Variants in RNGTT observed in about 807,000 individuals in gnomAD.
RNGTT encodes RNA guanylyltransferase and 5'-phosphatase.
A neutral mutation model predicts 79.3 loss-of-function variants in RNGTT; 33 were observed. That is an observed-to-expected ratio of 0.42 (90% CI 0.32 to 0.56). The LOEUF (loss-of-function observed/expected upper bound fraction) is 0.56. Among genes scored for constraint, RNGTT ranks in the 20% least tolerant of loss-of-function variants. The pLI is 0.17. For missense variants in RNGTT, 497 were observed against 739.1 expected (o/e 0.67, Z 3.80); for synonymous variants, 222 against 235.9 (o/e 0.94, Z 0.54).
chr6:88,789,131 CT>C (rs1460105152), intron 12 of RNGTT, among the ~76,000 whole-genome samples: 1 of 152,082 alleles, frequency 6.6e-6, no homozygotes, highest in Non-Finnish European at 1.5e-5. Flanking sequence ...AAAGTATCTT[CT>C]TTCTTGGCCG....
rs151271289 is a variant in RNGTT at position 88,962,907 on chromosome 6, C to T, written c.64+439G>A. ...TAAAAATAAAAAACTAACAAAAACA[C>T]CCTCCAGATTCCCAGTCTCAATGTG... On this transcript the variant is annotated intron_variant, in intron 1 of 15. Coordinates refer to ENST00000369485, the MANE Select transcript of RNGTT (RefSeq NM_003800.5). 3.7e-4 allele frequency among the ~76,000 whole-genome samples: 56 copies of T among 152,148 alleles called. 1 individual carries two copies. The East Asian group carries it at 0.01, about 28-fold the overall frequency.
At chr6:88,643,637 A>G (rs888378046) in intron 14 of RNGTT, among the ~76,000 whole-genome samples, 1 of 152,218 alleles carries the variant, frequency 6.6e-6, no homozygotes, top group Non-Finnish European at 1.5e-5. Context: ...AAGAACAGAA[A>G]TTATAACAAC....
chr6:88,948,868 A>G (rs1785128534), intron 1 of RNGTT, among the ~76,000 whole-genome samples: 1 of 90,784 alleles, frequency 1.1e-5, no homozygotes. Context: ...TAAATGGATT[A>G]AGGGCGGTGC....
chr6:88,756,437 C>A (rs188407635), intron 13 of RNGTT, among the ~76,000 whole-genome samples: 18 of 152,238 alleles, frequency 1.2e-4, no homozygotes, highest in Admixed American at 1.2e-3. Flanking sequence ...CATGCCACTG[C>A]ATGCCAGCCT....
At chr6:88,728,994 C>T (rs1777014997) in intron 13 of RNGTT, among the ~76,000 whole-genome samples, 1 of 152,182 alleles carries the variant, frequency 6.6e-6, no homozygotes, top group Admixed American at 6.5e-5. Flanking sequence ...GGGTGGTCCT[C>T]CAGTCGACCG....
chr6:88,829,103 A>G (rs1397795393), intron 11 of RNGTT, among the ~76,000 whole-genome samples: 2 of 152,206 alleles, frequency 1.3e-5, no homozygotes, highest in Non-Finnish European at 2.9e-5. Context: ...ACCAAGGCTG[A>G]AATGAAGGAA....
chr6:88,906,536 G>T lies in RNGTT; in HGVS notation c.368-96C>A, dbSNP rs543541343. 2.0e-4 allele frequency: 128 copies of T among 653,144 alleles called. 1 individual carries two copies. Among genetic ancestry groups the T allele is most frequent in the Non-Finnish European group, 3.2e-4 (125 of 390,396 alleles). The allele number at this position is 653,144 out of a possible 1,614,324, so 40.5% of individuals were successfully genotyped here. A position where few individuals can be genotyped will look rare whatever the true frequency, so the allele number is the denominator to read the frequency against. Reference sequence around the variant, plus strand: ...ACCTGCAATCAAAACATTTCAGCTAGTTTATAAAATAATTACATTTTTTAA... The same window carrying T: ...ACCTGCAATCAAAACATTTCAGCTATTTTATAAAATAATTACATTTTTTAA... On this transcript the variant is annotated intron_variant, in intron 4 of 15. Coordinates refer to ENST00000369485, the MANE Select transcript of RNGTT (RefSeq NM_003800.5).
intron 14 of RNGTT, among the ~76,000 whole-genome samples, chr6:88,667,332 A>G (rs1774454256): frequency 6.6e-6 from 1 of 152,340 alleles, no homozygotes; most frequent in East Asian, 1.9e-4. Flanking sequence ...GAGACCACCC[A>G]TCTAGGCCAA....
chr6:88,944,723 T>C (rs961212257), intron 1 of RNGTT, among the ~76,000 whole-genome samples: 5 of 152,208 alleles, frequency 3.3e-5, no homozygotes, highest in Non-Finnish European at 7.3e-5. Context: ...TTTACTTCAT[T>C]ACCTCCAATT....
chr6:88,955,196 C>G (rs1785386163), intron 1 of RNGTT, among the ~76,000 whole-genome samples: 1 of 152,092 alleles, frequency 6.6e-6, no homozygotes, highest in South Asian at 2.1e-4. Flanking sequence ...AACAGTGACA[C>G]AACCTATCAA....
chr6:88,619,150 GC>G (rs1772348598), intron 14 of RNGTT, among the ~76,000 whole-genome samples: 1 of 151,722 alleles, frequency 6.6e-6, no homozygotes, highest in African/African-American at 2.4e-5. Flanking sequence ...TCTCCATGGG[GC>G]TCCCTACCAC....
At chr6:88,846,865 G>C (rs1781501558) in intron 10 of RNGTT, among the ~76,000 whole-genome samples, 1 of 151,862 alleles carries the variant, frequency 6.6e-6, no homozygotes, top group Non-Finnish European at 1.5e-5. Context: ...GCAATTCCAT[G>C]CTTCAGTGAC....
At chr6:88,721,161 A>T (rs1364852040) in intron 13 of RNGTT, among the ~76,000 whole-genome samples, 2 of 152,064 alleles carry the variant, frequency 1.3e-5, no homozygotes, top group Non-Finnish European at 2.9e-5. Flanking sequence ...AAGCAATTTA[A>T]TTCACTGGTA....
chr6:88,831,769 A>T (rs569636183), intron 11 of RNGTT, among the ~76,000 whole-genome samples: 14 of 152,370 alleles, frequency 9.2e-5, no homozygotes, highest in African/African-American at 3.4e-4. Context: ...ATGCACAAAA[A>T]TCACAAGCAT....
At chr6:88,745,567 G>C (rs1362324541) in intron 13 of RNGTT, among the ~76,000 whole-genome samples, 3 of 152,102 alleles carry the variant, frequency 2.0e-5, no homozygotes, top group African/African-American at 7.2e-5. Context: ...AATTTCACCT[G>C]TTTCTACTTT....
chr6:88,898,176 C>T (rs145402013), intron 6 of RNGTT, among the ~76,000 whole-genome samples: 1 of 152,264 alleles, frequency 6.6e-6, no homozygotes, highest in African/African-American at 2.4e-5. Flanking sequence ...TCCACTTTCT[C>T]GCCTTCCATT....
At chr6:88,778,550 A>G (rs1438777764) in intron 12 of RNGTT, among the ~76,000 whole-genome samples, 1 of 152,204 alleles carries the variant, frequency 6.6e-6, no homozygotes, top group Non-Finnish European at 1.5e-5. Flanking sequence ...GGCTATTCAC[A>G]GGTGCAGTCA....
intron 12 of RNGTT, among the ~76,000 whole-genome samples, chr6:88,795,190 G>A (rs933245185): frequency 9.2e-5 from 14 of 152,150 alleles, no homozygotes; most frequent in South Asian, 2.1e-4. Flanking sequence ...AAGGTGATAC[G>A]AAAGAAACCT....
chr6:88,744,641 A>T (rs1777601811), intron 13 of RNGTT, among the ~76,000 whole-genome samples: 1 of 152,096 alleles, frequency 6.6e-6, no homozygotes, highest in Non-Finnish European at 1.5e-5. Context: ...TCCTCTAGAA[A>T]ACCTGATTTC....
Sources: allele counts gnomAD v4.1 joint callset (sites outside exome capture counted in the v4.1 genomes callset), GRCh38; gene constraint gnomAD v4.1.1; transcripts MANE v1.5; gene names NCBI Gene and HGNC (gene_info 2026-07-23, HGNC 2026-07-21).